SGK3: variants seen among roughly 807,000 people sequenced by gnomAD.
The protein encoded by SGK3 is serum/glucocorticoid regulated kinase family member 3, also known as serine/threonine-protein kinase Sgk3.
SGK3 carries 47 observed loss-of-function variants against 68.5 expected under a neutral mutation model. That is an observed-to-expected ratio of 0.69 (90% CI 0.54 to 0.87). The LOEUF (loss-of-function observed/expected upper bound fraction) is 0.87, where lower values mean the gene tolerates loss of function less well. Ranked by LOEUF, SGK3 falls within the 40% of genes least tolerant of loss-of-function variation. The pLI is 0.00. For synonymous variants in SGK3, 181 were observed against 189.1 expected, an observed-to-expected ratio of 0.96 and a Z score of 0.35; for missense variants, 479 against 575.5, an observed-to-expected ratio of 0.83 and a Z score of 1.72.
At chr8:66,789,361 A>T (rs1807342279) in intron 1 of SGK3, among the ~76,000 whole-genome samples, 1 of 152,154 alleles carries the variant, frequency 6.6e-6, no homozygotes, top group African/African-American at 2.4e-5. Flanking sequence ...GTTTTTGGTT[A>T]CTTTCTTAGT....
intron 8 of SGK3, 79 bp from the exon 9 acceptor site, chr8:66,835,684 A>G: frequency 6.9e-7 from 1 of 1,442,894 alleles, no homozygotes; most frequent in Non-Finnish European, 9.4e-7. Context: ...TTTAAGAAGT[A>G]TTGATGTGTT....
chr8:66,842,282 G>A (rs1413972893), intron 13 of SGK3, among the ~76,000 whole-genome samples: 1 of 148,444 alleles, frequency 6.7e-6, no homozygotes, highest in Admixed American at 6.8e-5. Context: ...GTGCAGTGGC[G>A]CAATCTCAGC....
At chr8:66,808,513 AT>A (rs35147550) in intron 4 of SGK3, among the ~76,000 whole-genome samples, 10,250 of 140,796 alleles carry the variant, frequency 0.073, 379 homozygotes, top group African/African-American at 0.12. Flanking sequence ...AAATCCTGTA[AT>A]TTTTTTTTTT....
At chr8:66,767,986 A>G (rs574332698) in intron 1 of SGK3, 5 of 810,524 alleles carry the variant, frequency 6.2e-6, no homozygotes, top group South Asian at 2.7e-5. Flanking sequence ...TTCCTTATCA[A>G]CATAGATCAG....
chr8:66,840,941 CAAAA>C (rs200796293), intron 12 of SGK3, 79 bp from the exon 13 acceptor site: 106 of 764,102 alleles, frequency 1.4e-4, no homozygotes, highest in Admixed American at 3.9e-4. Context: ...GACTCTGTTT[CAAAA>C]AAAAAAAAAA....
chr8:66,721,939 T>C (rs1371306061), intron 1 of SGK3, among the ~76,000 whole-genome samples: 3 of 152,166 alleles, frequency 2.0e-5, no homozygotes, highest in African/African-American at 7.2e-5. Context: ...CTTTGAGAAG[T>C]GGTATGTCAG....
rs151143771 is a variant in SGK3 at position 66,854,055 on chromosome 8, T to C, written c.1320+3135T>C. ...CTATGAAGCATATCCTAACATTCCATTCTATGTTGGGTACACCCAGGTTTT... is the reference window on the plus strand; with the variant it reads ...CTATGAAGCATATCCTAACATTCCACTCTATGTTGGGTACACCCAGGTTTT... On this transcript the variant is annotated intron_variant, in intron 16 of 16. Transcript: ENST00000521198. 4.2e-3 allele frequency among the ~76,000 whole-genome samples: 640 copies of C among 152,306 alleles called. 6 individuals are homozygous for C. The highest frequency in any genetic ancestry group is 0.015 in the African/African-American group (610 of 41,570).
chr8:66,848,768 T>C (rs768312529), intron 15 of SGK3, among the ~76,000 whole-genome samples: 2 of 152,208 alleles, frequency 1.3e-5, no homozygotes, highest in Non-Finnish European at 2.9e-5. Context: ...CCCTCAGTCT[T>C]ACTCTCCTGA....
At chr8:66,834,764 T>G (rs1809442910) in intron 8 of SGK3, among the ~76,000 whole-genome samples, 1 of 151,546 alleles carries the variant, frequency 6.6e-6, no homozygotes, top group Admixed American at 6.6e-5. Context: ...AAACCCCGTC[T>G]CTACTAAAAA....
intron 1 of SGK3, among the ~76,000 whole-genome samples, chr8:66,745,012 G>C (rs1177514238): frequency 1.3e-5 from 2 of 151,690 alleles, no homozygotes; most frequent in Non-Finnish European, 2.9e-5. Flanking sequence ...CTTGTTCTCT[G>C]TGCTTTTTTA....
intron 1 of SGK3, among the ~76,000 whole-genome samples, chr8:66,765,321 A>G (rs1161475085): frequency 4.6e-5 from 7 of 152,218 alleles, no homozygotes; most frequent in Admixed American, 3.9e-4. Context: ...GTTGTTGAGC[A>G]ACTCTTCATG....
chr8:66,798,663 G>T, intron 3 of SGK3, 38 bp downstream of exon 3: 1 of 1,544,138 alleles, frequency 6.5e-7, no homozygotes, highest in Non-Finnish European at 8.8e-7. Context: ...TTAAAAGAAA[G>T]CACCCGAGAA....
chr8:66,794,974 A>G (rs149833823), intron 2 of SGK3, among the ~76,000 whole-genome samples: 27 of 152,180 alleles, frequency 1.8e-4, no homozygotes, highest in African/African-American at 6.5e-4. Flanking sequence ...CTCACCACTG[A>G]CTCAGTACCT....
intron 16 of SGK3, among the ~76,000 whole-genome samples, chr8:66,855,241 C>T (rs977966512): frequency 1.3e-4 from 20 of 152,110 alleles, no homozygotes; most frequent in South Asian, 8.3e-4. Flanking sequence ...CTTGTTCTGT[C>T]GCCAAGGCTG....
intron 8 of SGK3, among the ~76,000 whole-genome samples, chr8:66,832,959 T>C (rs1443522889): frequency 6.6e-6 from 1 of 151,978 alleles, no homozygotes; most frequent in African/African-American, 2.4e-5. Flanking sequence ...GGGCCACCTT[T>C]ATCATGTATT....
chr8:66,788,036 G>A (rs1260892442), intron 1 of SGK3, among the ~76,000 whole-genome samples: 4 of 152,188 alleles, frequency 2.6e-5, no homozygotes, highest in Non-Finnish European at 5.9e-5. Flanking sequence ...TCTGGCCGGT[G>A]CCAGCACACT....
At chr8:66,734,845 G>T (rs1805271524) in intron 1 of SGK3, among the ~76,000 whole-genome samples, 1 of 151,966 alleles carries the variant, frequency 6.6e-6, no homozygotes, top group African/African-American at 2.4e-5. Context: ...TACTCAGGAG[G>T]CTGAGGCAGG....
chr8:66,832,480 T>C (rs1809341988), intron 8 of SGK3, among the ~76,000 whole-genome samples: 1 of 152,208 alleles, frequency 6.6e-6, no homozygotes, highest in Non-Finnish European at 1.5e-5. Context: ...AAATATATAT[T>C]ATCCACCTGC....
intron 11 of SGK3, 43 bp from the exon 12 acceptor site, chr8:66,840,168 G>A (rs376766018): frequency 1.8e-5 from 29 of 1,597,076 alleles, no homozygotes; most frequent in African/African-American, 1.6e-4. Context: ...ATTTTATTTC[G>A]GTTTGTATTC....
Sources: gnomAD v4.1 joint callset for allele counts (sites outside exome capture counted in the v4.1 genomes callset) on GRCh38, gnomAD v4.1.1 for gene constraint, MANE v1.5 for transcripts, NCBI Gene and HGNC (gene_info 2026-07-23, HGNC 2026-07-21) for gene names.